The following USH1C variants were observed in gnomAD, a reference collection of about 807,000 sequenced individuals.
USH1C encodes the protein harmonin.
In USH1C, 90 loss-of-function variants were observed where a neutral mutation model predicts 119.3. The observed-to-expected ratio is 0.75, with a 90% confidence interval of 0.64 to 0.90. The LOEUF is 0.90. USH1C is among the 40% of genes least tolerant of loss of function. USH1C has a pLI of 0.00. For synonymous variants in USH1C, 465 were observed against 443.3 expected (o/e 1.05, Z -0.62); for missense variants, 1,165 against 1,167.7 (o/e 1.00, Z 0.03).
At chr11:17,497,757 T>C (rs756775382) in intron 24 of USH1C, among the ~76,000 whole-genome samples, 47 of 152,356 alleles carry the variant, frequency 3.1e-4, no homozygotes, top group Admixed American at 8.5e-4. Flanking sequence ...GGTGGGTGTC[T>C]AATGAGTGCA....
chr11:17,522,561 T>C (rs1850457692), intron 12 of USH1C, among the ~76,000 whole-genome samples: 1 of 152,194 alleles, frequency 6.6e-6, no homozygotes, highest in Non-Finnish European at 1.5e-5. Flanking sequence ...ATTCTTGGAA[T>C]GTTGGAAGAC....
intron 23 of USH1C, 42 bp downstream of exon 23, chr11:17,501,009 C>G: frequency 1.9e-6 from 3 of 1,569,088 alleles, no homozygotes; most frequent in Non-Finnish European, 2.6e-6. Flanking sequence ...CGTCTAACCA[C>G]TGTATCATCC....
At chr11:17,502,312 C>T (rs962625009) in intron 20 of USH1C, among the ~76,000 whole-genome samples, 1 of 152,104 alleles carries the variant, frequency 6.6e-6, no homozygotes, top group African/African-American at 2.4e-5. Context: ...GTCTCAGCCC[C>T]AGCCTCAAGT....
chr11:17,504,638 T>G lies in USH1C; in HGVS notation c.2184+9A>C, dbSNP rs1487053672. The G allele has an allele frequency of 1.2e-6, 2 of 1,613,876 alleles. No individual in the cohort carries two copies. The highest frequency in any genetic ancestry group is 1.7e-6 in the Non-Finnish European group (2 of 1,179,962). Reference sequence around the variant, plus strand: ...GAGACCTCCAGACACACAATGGGTATCAGTTTACTTGTCTGAATGCTGTCT... The same window carrying G: ...GAGACCTCCAGACACACAATGGGTAGCAGTTTACTTGTCTGAATGCTGTCT... On this transcript the variant is annotated intron_variant, in intron 20 of 26. Transcript: ENST00000005226.
At chr11:17,524,361 G>T in intron 9 of USH1C, 90 bp downstream of exon 9, 1 of 1,397,396 alleles carries the variant, frequency 7.2e-7, no homozygotes, top group Non-Finnish European at 9.9e-7. Flanking sequence ...AGAGGGCCAT[G>T]TGGAAAGGCA....
chr11:17,543,045 A>C (rs1373863881), intron 1 of USH1C, among the ~76,000 whole-genome samples: 2 of 152,200 alleles, frequency 1.3e-5, no homozygotes, highest in African/African-American at 4.8e-5. Flanking sequence ...ATGGGTAATT[A>C]CCAGGGTAGG....
chr11:17,525,972 G>A (rs1850649994), intron 8 of USH1C, among the ~76,000 whole-genome samples: 1 of 152,178 alleles, frequency 6.6e-6, no homozygotes, highest in African/African-American at 2.4e-5. Context: ...AGGCTGAGGT[G>A]GGAGGATCAC....
intron 15 of USH1C, among the ~76,000 whole-genome samples, chr11:17,513,449 C>T (rs892540257): frequency 3.9e-5 from 6 of 152,148 alleles, no homozygotes; most frequent in African/African-American, 1.4e-4. Context: ...ACACAACATT[C>T]ATCCACAGCT....
chr11:17,519,399 T>C (rs1324603018), intron 14 of USH1C, among the ~76,000 whole-genome samples: 1 of 152,244 alleles, frequency 6.6e-6, no homozygotes, highest in African/African-American at 2.4e-5. Context: ...CTTGGTCTTT[T>C]TATTCAAAGA....
chr11:17,526,724 A>G, intron 7 of USH1C, 29 bp downstream of exon 7: 1 of 1,611,180 alleles, frequency 6.2e-7, no homozygotes, highest in Non-Finnish European at 8.5e-7. Flanking sequence ...ACCCCACCCA[A>G]ACCCCATCAC....
At chr11:17,538,393 C>G (rs1278644519) in intron 1 of USH1C, among the ~76,000 whole-genome samples, 1 of 152,112 alleles carries the variant, frequency 6.6e-6, no homozygotes, top group Non-Finnish European at 1.5e-5. Context: ...CTGTATTCCC[C>G]CATATGGACT....
In USH1C at chr11:17,524,944, G is replaced by T. The variant is rs546831496; in HGVS notation, c.675-409C>A. On this transcript the variant is annotated intron_variant, in intron 8 of 26. Transcript: ENST00000005226. Reference sequence around the variant, plus strand: ...GCTCTCTGCAACCTCCAACTCCTGGGATCAAGCAATCTTCCCACCTCAGCC... The same window carrying T: ...GCTCTCTGCAACCTCCAACTCCTGGTATCAAGCAATCTTCCCACCTCAGCC... Among the ~76,000 whole-genome samples the T allele has an allele frequency of 7.9e-5, 12 of 152,166 alleles. No individual in the cohort carries two copies. In the South Asian group the frequency reaches 2.5e-3, roughly 32 times the overall value.
intron 18 of USH1C, among the ~76,000 whole-genome samples, chr11:17,507,105 G>C (rs1849680486): frequency 6.6e-6 from 1 of 152,160 alleles, no homozygotes; most frequent in South Asian, 2.1e-4. Flanking sequence ...CCATGACTTG[G>C]GGCCTGCTGG....
At chr11:17,527,094 C>CCCCCCCCCAGGGGG in intron 5 of USH1C, 54 bp from the exon 6 acceptor site, 1 of 1,445,052 alleles carries the variant, frequency 6.9e-7, no homozygotes, top group South Asian at 1.3e-5. Context: ...CCCTCCCTCC[C>CCCCCCCCCAGGGGG]ACCGTCATGG....
chr11:17,513,249 G>A (rs1202900470), intron 15 of USH1C, among the ~76,000 whole-genome samples: 8 of 152,158 alleles, frequency 5.3e-5, no homozygotes, highest in Non-Finnish European at 1.0e-4. Context: ...GGAGGACAGA[G>A]CGAGCATTCA....
chr11:17,522,980 C>T, intron 11 of USH1C, 54 bp from the exon 12 acceptor site: 2 of 1,597,986 alleles, frequency 1.3e-6, no homozygotes, highest in Non-Finnish European at 1.7e-6. Flanking sequence ...TGGGGATCCC[C>T]TGACACACCC....
In USH1C at chr11:17,494,139, C is replaced by G; in HGVS notation, c.*193G>C. 1.5e-6 allele frequency: 1 copy of G among 655,564 alleles called. No individual in the cohort carries two copies. The allele number at this position is 655,564 out of a possible 1,614,324, so 40.6% of individuals were successfully genotyped here. On this transcript the variant is annotated 3_prime_UTR_variant, in exon 27 of 27. Transcript: ENST00000005226. The stretch of plus-strand genomic sequence containing the variant: ...TCCCAAATGGCTGGCTGCTCCCTTT[C>G]CTCCACGTTGGCCTTCAGAAGAGTG...
rs1349456469 is a variant in USH1C, at chr11:17,501,677, C to T, written c.2227-142G>A. 128 of 1,043,272 alleles carry T rather than the reference C, an allele frequency of 1.2e-4. 1 individual carries two copies. In the South Asian group the frequency reaches 1.6e-3, roughly 13 times the overall value. 64.6% of individuals were successfully genotyped at this position (1,043,272 alleles called of 1,614,324 possible). The stretch of plus-strand genomic sequence containing the variant: ...CAAGGGGACCGTGCCCAGCCCCACC[C>T]CTACTGGTCTTCAACTGGGGGTCCC... On this transcript the variant is annotated intron_variant, in intron 21 of 26. Transcript: ENST00000005226.
intron 20 of USH1C, 49 bp from the exon 21 acceptor site, chr11:17,502,029 G>C (rs1399902536): frequency 4.4e-6 from 7 of 1,595,994 alleles, no homozygotes; most frequent in Non-Finnish European, 6.0e-6. Flanking sequence ...GGGTCTTGAG[G>C]GTCAGAGCCG....
Sources: allele counts gnomAD v4.1 joint callset (sites outside exome capture counted in the v4.1 genomes callset), GRCh38; gene constraint gnomAD v4.1.1; transcripts MANE v1.5; gene names NCBI Gene and HGNC (gene_info 2026-07-23, HGNC 2026-07-21).